The following CSMD2 variants were observed in gnomAD, a reference collection of about 807,000 sequenced individuals.
The protein encoded by CSMD2 is CUB and Sushi multiple domains 2.
A neutral mutation model predicts 398.5 loss-of-function variants in CSMD2; 130 were observed. The observed-to-expected ratio is 0.33, with a 90% confidence interval of 0.28 to 0.38. The LOEUF (loss-of-function observed/expected upper bound fraction) is 0.38. Among genes scored for constraint, CSMD2 ranks in the 10% least tolerant of loss-of-function variants. The probability of loss-of-function intolerance (pLI) is 1.00; values close to 1 mark genes in which losing one functional copy is unlikely to be tolerated. For synonymous variants in CSMD2, 1,828 were observed against 1,908.5 expected (o/e 0.96, Z 1.10); for missense variants, 3,829 against 4,764.9 (o/e 0.80, Z 5.78).
intron 27 of CSMD2, among the ~76,000 whole-genome samples, chr1:33,656,606 G>A (rs560315976): frequency 1.3e-5 from 2 of 152,320 alleles, no homozygotes; most frequent in African/African-American, 4.8e-5. Context: ...CAGGGCAGAC[G>A]CTCCTGCAGG....
chr1:33,572,482 C>A, intron 50 of CSMD2, 24 bp downstream of exon 50: 1 of 1,531,094 alleles, frequency 6.5e-7, no homozygotes, highest in Admixed American at 1.8e-5. Flanking sequence ...TCCTTACACC[C>A]GCCTCCATTG....
chr1:34,014,367 C>T (rs766146098), intron 3 of CSMD2, among the ~76,000 whole-genome samples: 3 of 152,240 alleles, frequency 2.0e-5, no homozygotes, highest in Non-Finnish European at 4.4e-5. Context: ...AATGTAAAGG[C>T]TGTGTGTGAC....
At chr1:33,956,469 C>T (rs1429054974) in intron 3 of CSMD2, among the ~76,000 whole-genome samples, 1 of 152,174 alleles carries the variant, frequency 6.6e-6, no homozygotes, top group African/African-American at 2.4e-5. Flanking sequence ...TCCTTGAGAG[C>T]CATCCATGCT....
At chr1:33,839,938 T>C (rs1660683100) in intron 6 of CSMD2, 1 of 152,728 alleles carries the variant, frequency 6.5e-6, no homozygotes. Context: ...CAGAAGCTGG[T>C]TATGCACTAC....
At chr1:34,136,091 G>A (rs1486560578) in intron 1 of CSMD2, among the ~76,000 whole-genome samples, 1 of 152,146 alleles carries the variant, frequency 6.6e-6, no homozygotes, top group African/African-American at 2.4e-5. Context: ...AGGTCATTTG[G>A]GTAACTGCAT....
chr1:33,916,539 A>G (rs1378041101), intron 5 of CSMD2, among the ~76,000 whole-genome samples: 1 of 152,132 alleles, frequency 6.6e-6, no homozygotes, highest in Non-Finnish European at 1.5e-5. Flanking sequence ...GTCATCCTCC[A>G]CAGAGCAGGT....
At chr1:33,580,640 T>C in intron 48 of CSMD2, 113 bp downstream of exon 48, 1 of 1,142,866 alleles carries the variant, frequency 8.7e-7, no homozygotes, top group Non-Finnish European at 1.3e-6. Flanking sequence ...CAAAGACCAC[T>C]TAGCTTCAGG....
intron 7 of CSMD2, among the ~76,000 whole-genome samples, chr1:33,824,825 G>A (rs928480980): frequency 2.0e-5 from 3 of 152,012 alleles, no homozygotes; most frequent in African/African-American, 7.2e-5. Context: ...TGCAGGAGAA[G>A]GGCAAAGGGA....
At chr1:33,682,808 A>G (rs979007608) in intron 25 of CSMD2, among the ~76,000 whole-genome samples, 4 of 152,080 alleles carry the variant, frequency 2.6e-5, no homozygotes, top group African/African-American at 7.2e-5. Context: ...GCCCCGAATT[A>G]CTTTGTGGAG....
intron 15 of CSMD2, among the ~76,000 whole-genome samples, chr1:33,736,964 A>C (rs1257937805): frequency 6.6e-6 from 1 of 152,216 alleles, no homozygotes; most frequent in Non-Finnish European, 1.5e-5. Flanking sequence ...CAATGAGTGC[A>C]AGGGAAAATG....
intron 2 of CSMD2, among the ~76,000 whole-genome samples, chr1:34,060,614 A>C (rs537500123): frequency 6.7e-6 from 1 of 149,582 alleles, no homozygotes; most frequent in East Asian, 2.0e-4. Flanking sequence ...CAGGCAACAA[A>C]TGCAGGATTT....
chr1:33,583,715 G>C lies in CSMD2; in HGVS notation c.7167C>G (p.Pro2389=), dbSNP rs368655039. 2 of 1,614,126 alleles carry C rather than the reference G, an allele frequency of 1.2e-6. No individual in the cohort carries two copies. The highest frequency in any genetic ancestry group is 1.1e-5 in the South Asian group (1 of 91,078). ...CCACTGTGAGGGAGATGTTATAGTC[G>C]GGCTCCACTCTCACCAGCCAAGAGC... ...QTCSWLVRVE[P]DYNISLTVEY... is the part of the protein sequence containing the mutation. Residue 2389 remains proline (P), a synonymous_variant, in exon 47 of 71, where the codon CCC becomes CCG. Coordinates refer to ENST00000373381, the MANE Select transcript of CSMD2 (RefSeq NM_001281956.2).
chr1:33,742,572 C>A (rs904607931), intron 14 of CSMD2, among the ~76,000 whole-genome samples: 5 of 114,846 alleles, frequency 4.4e-5, no homozygotes, highest in African/African-American at 1.8e-4. Context: ...AGTCACCAAG[C>A]TTCTGCCCCC....
chr1:33,801,948 C>T (rs976462094), intron 10 of CSMD2, among the ~76,000 whole-genome samples: 3 of 152,168 alleles, frequency 2.0e-5, no homozygotes, highest in African/African-American at 7.2e-5. Flanking sequence ...AGAAGTTTAG[C>T]TGGTCAGAAC....
intron 6 of CSMD2, among the ~76,000 whole-genome samples, chr1:33,836,992 G>A (rs941046114): frequency 3.3e-5 from 5 of 152,166 alleles, no homozygotes; most frequent in Non-Finnish European, 5.9e-5. Flanking sequence ...TTCCTATTCG[G>A]CCATCTTGGC....
At chr1:34,001,594 A>G (rs1369303005) in intron 3 of CSMD2, among the ~76,000 whole-genome samples, 2 of 152,192 alleles carry the variant, frequency 1.3e-5, no homozygotes, top group Non-Finnish European at 2.9e-5. Context: ...GGAATACAAC[A>G]CCCATGAACC....
At chr1:33,945,782 A>G (rs954796611) in intron 3 of CSMD2, among the ~76,000 whole-genome samples, 1 of 152,110 alleles carries the variant, frequency 6.6e-6, no homozygotes, top group Non-Finnish European at 1.5e-5. Flanking sequence ...CCTCTCCAGC[A>G]CCTGCCCTGC....
chr1:34,153,334 A>C (rs993068219), intron 1 of CSMD2, among the ~76,000 whole-genome samples: 51 of 152,154 alleles, frequency 3.4e-4, no homozygotes, highest in African/African-American at 1.1e-3. Context: ...GGTTTCTTTC[A>C]CTTAGCATGA....
At chr1:33,791,497 CTTT>C (rs1654306410) in intron 11 of CSMD2, among the ~76,000 whole-genome samples, 1 of 151,178 alleles carries the variant, frequency 6.6e-6, no homozygotes, top group Admixed American at 6.6e-5. Context: ...CTTTTTTTTT[CTTT>C]TTTTAGACAG....
Sources: gnomAD v4.1 joint callset for allele counts (sites outside exome capture counted in the v4.1 genomes callset) on GRCh38, gnomAD v4.1.1 for gene constraint, MANE v1.5 for transcripts, NCBI Gene and HGNC (gene_info 2026-07-23, HGNC 2026-07-21) for gene names.